AKAP8L: variants seen among roughly 807,000 people sequenced by gnomAD.
The protein encoded by AKAP8L is A-kinase anchor protein 8-like.
In AKAP8L, 34 loss-of-function variants were observed where a neutral mutation model predicts 77.5. The observed-to-expected ratio is 0.44, with a 90% confidence interval of 0.33 to 0.58. The LOEUF is 0.58. Among genes scored for constraint, AKAP8L ranks in the 20% least tolerant of loss-of-function variants. The pLI is 0.02. For synonymous variants in AKAP8L, 342 were observed against 340.7 expected, an observed-to-expected ratio of 1.00 and a Z score of -0.04; for missense variants, 806 against 887.6, an observed-to-expected ratio of 0.91 and a Z score of 1.17.
chr19:15,390,442 A>G (rs1028356742), intron 12 of AKAP8L, among the ~76,000 whole-genome samples: 1 of 150,124 alleles, frequency 6.7e-6, no homozygotes, highest in Non-Finnish European at 1.5e-5. Context: ...AAAAAAATCT[A>G]GTTAACAAAA....
At chr19:15,395,305 C>T (rs145150643) in intron 12 of AKAP8L, among the ~76,000 whole-genome samples, 3 of 150,826 alleles carry the variant, frequency 2.0e-5, no homozygotes, top group Admixed American at 2.0e-4. Context: ...GTGCCGTGCC[C>T]ATTGTTTTGG....
At chr19:15,396,090 T>C (rs547847028) in intron 12 of AKAP8L, among the ~76,000 whole-genome samples, 1 of 151,884 alleles carries the variant, frequency 6.6e-6, no homozygotes, top group Admixed American at 6.6e-5. Context: ...CTTGGTGGCA[T>C]TTCCCAATCC....
chr19:15,401,368 T>C lies in AKAP8L; in HGVS notation c.598A>G (p.Met200Val), dbSNP rs1335370610. The C allele has an allele frequency of 4.3e-6, 7 of 1,613,208 alleles. No individual in the cohort carries two copies. In the African/African-American group the frequency reaches 5.3e-5, roughly 12 times the overall value. Reference sequence around the variant, plus strand: ...CGGGCCCCCATGGGGTCTTCCCACATGCGCCCATAGCCTGAGGCCATTGGC... The same window carrying C: ...CGGGCCCCCATGGGGTCTTCCCACACGCGCCCATAGCCTGAGGCCATTGGC... ...GRPMASGYGR[M>V]WEDPMGARGQ... The change falls in exon 5 of 14, where the codon ATG becomes GTG. Residue 200 changes from methionine to valine, a missense_variant. Around this residue, in one of 2 missense-constraint regions of AKAP8L, gnomAD observed 580 missense variants for 694.1 expected, o/e 0.84. Transcript: ENST00000397410. The surrounding 1 kb of genome is among the most constrained non-coding windows in gnomAD (Gnocchi z 6.2).
intron 12 of AKAP8L, 184 bp from the exon 13 acceptor site, chr19:15,380,796 C>T: frequency 1.7e-6 from 1 of 603,698 alleles, no homozygotes; most frequent in East Asian, 2.8e-5. Context: ...CAAATTCCCT[C>T]TCCTTCCACA....
chr19:15,391,511 ATTATT>A (rs1419074123), intron 12 of AKAP8L, among the ~76,000 whole-genome samples: 13 of 51,852 alleles, frequency 2.5e-4, no homozygotes, highest in Non-Finnish European at 4.2e-4. Context: ...ACTAATAAAC[ATTATT>A]TTATGTTTTT....
At chr19:15,410,100 G>A (rs747596694) in intron 2 of AKAP8L, among the ~76,000 whole-genome samples, 26 of 152,150 alleles carry the variant, frequency 1.7e-4, no homozygotes, top group Non-Finnish European at 2.9e-4. Flanking sequence ...ACACCACCAT[G>A]CCCGGCTAAT....
intron 1 of AKAP8L, among the ~76,000 whole-genome samples, chr19:15,416,236 T>C (rs1032758086): frequency 2.6e-5 from 4 of 152,022 alleles, no homozygotes; most frequent in African/African-American, 9.7e-5. Context: ...GAGCCAAGAG[T>C]AGGGTGACAA....
chr19:15,406,616 G>A (rs1224856058), intron 2 of AKAP8L, among the ~76,000 whole-genome samples: 2 of 151,834 alleles, frequency 1.3e-5, no homozygotes, highest in African/African-American at 4.8e-5. Flanking sequence ...ACAGGCATGT[G>A]CCACCATGCC....
intron 1 of AKAP8L, chr19:15,417,527 C>G (rs1319192523): frequency 1.3e-5 from 2 of 152,094 alleles, no homozygotes; most frequent in African/African-American, 4.8e-5. Flanking sequence ...CCAAAAATGT[C>G]TCCAGACATT....
At chr19:15,414,418 G>A (rs972731733) in intron 1 of AKAP8L, among the ~76,000 whole-genome samples, 1 of 151,524 alleles carries the variant, frequency 6.6e-6, no homozygotes, top group African/African-American at 2.4e-5. Flanking sequence ...GATTAGCGCT[G>A]GTTGAAAAAA....
Position 15,403,555 on chromosome 19 carries a change from T to A in AKAP8L, c.282A>T (p.Arg94Ser). Residue 94 changes from arginine (R) to serine (S), a missense_variant, in exon 4 of 14, where the codon AGA becomes AGT. Around this residue, in one of 2 missense-constraint regions of AKAP8L, gnomAD observed 580 missense variants for 694.1 expected, o/e 0.84. Coordinates refer to ENST00000397410, the MANE Select transcript of AKAP8L (RefSeq NM_014371.4). This position sits in a 1 kb window ranked among gnomAD's most constrained non-coding sequence, Gnocchi z 4.3. The stretch of plus-strand genomic sequence containing the variant: ...GCACCATATCTAAGCGCTGGTTAAT[T>A]CTGGATAAAACGGAATCGGCACTGG... ...GSASADSVLSRINQRLDMVPH... is the reference protein window; with the variant it reads ...GSASADSVLSSINQRLDMVPH... 2 of 1,613,918 alleles carry A rather than the reference T, an allele frequency of 1.2e-6. No individual in the cohort carries two copies. Among genetic ancestry groups the A allele is most frequent in the Non-Finnish European group, 1.7e-6 (2 of 1,179,870 alleles).
In AKAP8L at chr19:15,398,071, G is replaced by A. The variant is rs1967814872; in HGVS notation, c.1158-216C>T. 1.7e-6 allele frequency: 1 copy of A among 577,602 alleles called. No individual in the cohort carries two copies. The highest frequency in any genetic ancestry group is 2.1e-5 in the South Asian group (1 of 46,872). 35.8% of individuals were successfully genotyped at this position (577,602 alleles called of 1,614,324 possible). A position where few individuals can be genotyped will look rare whatever the true frequency, so the allele number is the denominator to read the frequency against. On this transcript the variant is annotated intron_variant, in intron 9 of 13. Transcript: ENST00000397410. The surrounding 1 kb of genome is among the most constrained non-coding windows in gnomAD (Gnocchi z 9.2). The stretch of plus-strand genomic sequence containing the variant: ...AGTTACTGCAACGTAGGGGACAGGG[G>A]AGGAGCTCTTCCTTCCCACAGGCAG...
At chr19:15,414,645 C>A (rs904499578) in intron 1 of AKAP8L, among the ~76,000 whole-genome samples, 1 of 152,090 alleles carries the variant, frequency 6.6e-6, no homozygotes, top group Non-Finnish European at 1.5e-5. Context: ...CCTGCCACCA[C>A]GCCTGGCTAA....
chr19:15,415,717 T>C (rs542555929), intron 1 of AKAP8L, among the ~76,000 whole-genome samples: 1 of 151,952 alleles, frequency 6.6e-6, no homozygotes, highest in South Asian at 2.1e-4. Context: ...AAACCCCGTC[T>C]CTACTAAAAA....
chr19:15,396,554 C>A (rs1391878511), intron 12 of AKAP8L, among the ~76,000 whole-genome samples: 1 of 152,190 alleles, frequency 6.6e-6, no homozygotes, highest in African/African-American at 2.4e-5. Flanking sequence ...CCCAGTTCCC[C>A]AAGTCAGAAA....
Position 15,399,161 on chromosome 19 carries a change from A to C in AKAP8L, c.1157+141T>G. On this transcript the variant is annotated intron_variant, in intron 9 of 13. Coordinates refer to ENST00000397410, the MANE Select transcript of AKAP8L (RefSeq NM_014371.4). This position sits in a 1 kb window ranked among gnomAD's most constrained non-coding sequence, Gnocchi z 6.1. ...GCCTTGGGAGCTGGGCCTGGCGGGAAGCAGGGTCCATGCACGGCCGAGCAG... is the reference window on the plus strand; with the variant it reads ...GCCTTGGGAGCTGGGCCTGGCGGGACGCAGGGTCCATGCACGGCCGAGCAG... 2 of 720,588 alleles carry C rather than the reference A, an allele frequency of 2.8e-6. No homozygotes were observed. The highest frequency in any genetic ancestry group is 2.3e-6 in the Non-Finnish European group (1 of 425,828). 44.6% of individuals were successfully genotyped at this position (720,588 alleles called of 1,614,324 possible). A position where few individuals can be genotyped will look rare whatever the true frequency, so the allele number is the denominator to read the frequency against.
chr19:15,385,449 G>A (rs1184547424), intron 12 of AKAP8L, among the ~76,000 whole-genome samples: 1 of 152,118 alleles, frequency 6.6e-6, no homozygotes, highest in Admixed American at 6.5e-5. Flanking sequence ...CCAAAGTGCT[G>A]GGATTACAGG....
At chr19:15,409,258 G>A (rs1968062519) in intron 2 of AKAP8L, among the ~76,000 whole-genome samples, 1 of 152,136 alleles carries the variant, frequency 6.6e-6, no homozygotes, top group African/African-American at 2.4e-5. Context: ...TCCGAGAAAT[G>A]GCTTGTACTC....
At chr19:15,400,108 G>T in intron 8 of AKAP8L, 187 bp downstream of exon 8, 1 of 625,410 alleles carries the variant, frequency 1.6e-6, no homozygotes, top group Non-Finnish European at 2.8e-6. Context: ...CGCCTGGGAA[G>T]GAGGAGGAAG....
Sources: gnomAD v4.1 joint callset for allele counts (sites outside exome capture counted in the v4.1 genomes callset) on GRCh38, gnomAD v4.1.1 for gene constraint, gnomAD v4.1.1 regional missense constraint, Gnocchi (gnomAD v3.1) non-coding constraint, MANE v1.5 for transcripts, NCBI Gene and HGNC (gene_info 2026-07-23, HGNC 2026-07-21) for gene names.